The following LYPLA1 variants were observed in gnomAD, a reference collection of about 807,000 sequenced individuals.
The protein encoded by LYPLA1 is lysophospholipase 1.
In LYPLA1, 17 loss-of-function variants were observed where a neutral mutation model predicts 34.0. That is an observed-to-expected ratio of 0.50 (90% CI 0.34 to 0.75). LYPLA1 has a LOEUF of 0.75. LYPLA1 is among the 30% of genes least tolerant of loss of function. LYPLA1 has a pLI of 0.01. For synonymous variants in LYPLA1, 98 were observed against 100.8 expected (o/e 0.97, Z 0.17); for missense variants, 203 against 288.8 (o/e 0.70, Z 2.15).
chr8:54,049,174 C>T lies in LYPLA1; in HGVS notation c.640-1056G>A, dbSNP rs117377656. Among the ~76,000 whole-genome samples, 671 of 152,316 alleles carry T rather than the reference C, an allele frequency of 4.4e-3. 10 individuals carry two copies. Among genetic ancestry groups the T allele is most frequent in the Admixed American group, 0.029 (446 of 15,300 alleles). On this transcript the variant is annotated intron_variant, in intron 8 of 8. Coordinates refer to ENST00000316963, the MANE Select transcript of LYPLA1 (RefSeq NM_006330.4). ...ATCATATTACCACCTCTTTCTCCGT[C>T]CCTAAATTATTTAACCCAGGCTGAG...
intron 2 of LYPLA1, among the ~76,000 whole-genome samples, chr8:54,067,628 C>G (rs1466100043): frequency 6.6e-6 from 1 of 151,696 alleles, no homozygotes; most frequent in East Asian, 1.9e-4. Context: ...CATATTATCT[C>G]TACTAAAGAA....
At chr8:54,060,175 G>C (rs1221911217) in intron 5 of LYPLA1, among the ~76,000 whole-genome samples, 2 of 151,954 alleles carry the variant, frequency 1.3e-5, no homozygotes, top group Admixed American at 1.3e-4. Flanking sequence ...GCCCAGGCTG[G>C]AGTGCAACAG....
intron 1 of LYPLA1, chr8:54,101,549 G>C (rs1272140524): frequency 2.6e-6 from 3 of 1,147,312 alleles, no homozygotes; most frequent in Non-Finnish European, 3.2e-6. Flanking sequence ...GAGGAGCTGG[G>C]GACTGGCCCT....
intron 5 of LYPLA1, among the ~76,000 whole-genome samples, chr8:54,061,347 C>G (rs2129331871): frequency 6.6e-6 from 1 of 152,314 alleles, no homozygotes; most frequent in East Asian, 1.9e-4. Context: ...TCCCAAAGTG[C>G]TGGGATTAAA....
intron 5 of LYPLA1, among the ~76,000 whole-genome samples, chr8:54,055,454 T>C (rs10101967): frequency 0.038 from 5,818 of 151,868 alleles, 373 homozygotes; most frequent in African/African-American, 0.13. Context: ...CACCAAAAAA[T>C]GGAAAAAAGA....
At chr8:54,067,778 C>A (rs1807178435) in intron 2 of LYPLA1, among the ~76,000 whole-genome samples, 1 of 151,138 alleles carries the variant, frequency 6.6e-6, no homozygotes, top group African/African-American at 2.4e-5. Flanking sequence ...TCACTGCAAG[C>A]CCCACCTCCC....
intron 2 of LYPLA1, among the ~76,000 whole-genome samples, chr8:54,068,896 G>A (rs1807267979): frequency 1.3e-5 from 2 of 151,956 alleles, no homozygotes; most frequent in African/African-American, 4.8e-5. Context: ...TTACATAGTG[G>A]GAAAAATGTT....
chr8:54,093,136 C>T (rs1030794501), intron 2 of LYPLA1, among the ~76,000 whole-genome samples: 1 of 152,118 alleles, frequency 6.6e-6, no homozygotes, highest in African/African-American at 2.4e-5. Context: ...GTGGATAACA[C>T]GAGTGTGTCC....
intron 2 of LYPLA1, among the ~76,000 whole-genome samples, chr8:54,091,529 GAAAA>G (rs372241124): frequency 9.1e-6 from 1 of 109,508 alleles, no homozygotes; most frequent in African/African-American, 3.4e-5. Flanking sequence ...AAAAAGAAAA[GAAAA>G]AAGAAAAGAA....
intron 8 of LYPLA1, among the ~76,000 whole-genome samples, chr8:54,050,546 T>C (rs534594635): frequency 6.6e-6 from 1 of 152,360 alleles, no homozygotes; most frequent in Non-Finnish European, 1.5e-5. Flanking sequence ...CCTATAGTTC[T>C]TTCTCTGCAC....
chr8:54,067,577 T>C (rs1214804813), intron 2 of LYPLA1, among the ~76,000 whole-genome samples: 3 of 152,182 alleles, frequency 2.0e-5, no homozygotes, highest in African/African-American at 7.2e-5. Flanking sequence ...ACATATAGTT[T>C]CCTGCTTATT....
chr8:54,059,299 G>GTTTTTTTTT lies in LYPLA1; in HGVS notation c.286+2946_286+2954dup, dbSNP rs573966934. Among the ~76,000 whole-genome samples the GTTTTTTTTT allele has an allele frequency of 2.5e-4, 28 of 112,704 alleles. 6 individuals carry two copies. Among genetic ancestry groups the GTTTTTTTTT allele is most frequent in the African/African-American group, 1.0e-3 (21 of 20,576 alleles). The allele number at this position is 112,704 out of a possible 152,430, so 73.9% of individuals were successfully genotyped here. On this transcript the variant is annotated intron_variant, in intron 5 of 8. Coordinates refer to ENST00000316963, the MANE Select transcript of LYPLA1 (RefSeq NM_006330.4). ...CACATCTTTTGAATGTATTTTCCCT[G>GTTTTTTTTT]TTTTTTTTTTTTTTTTGAGACGGAG... is the stretch of plus-strand genomic sequence containing the variant.
At chr8:54,072,333 T>C (rs1222974285) in intron 2 of LYPLA1, among the ~76,000 whole-genome samples, 2 of 152,028 alleles carry the variant, frequency 1.3e-5, no homozygotes, top group African/African-American at 4.8e-5. Context: ...TTGTCTAAGA[T>C]TTCATGGTGA....
intron 2 of LYPLA1, among the ~76,000 whole-genome samples, chr8:54,072,894 T>A (rs1807591860): frequency 6.7e-6 from 1 of 148,236 alleles, no homozygotes; most frequent in Non-Finnish European, 1.5e-5. Flanking sequence ...GCAGGAGAAT[T>A]GCTTGAACAC....
rs758564319 is a variant in LYPLA1 at position 54,071,212 on chromosome 8, C to CA, written c.102-5400dup. 7.5e-5 allele frequency among the ~76,000 whole-genome samples: 11 copies of CA among 146,278 alleles called. 1 individual carries two copies. Among genetic ancestry groups the CA allele is most frequent in the Non-Finnish European group, 1.5e-4 (10 of 67,296 alleles). On this transcript the variant is annotated intron_variant, in intron 2 of 8. Transcript: ENST00000316963. ...GTTTCAGACTCAAGACATGACAGCTCAAATGAACACATACTCCTGGAAAGG... is the reference window on the plus strand; with the variant it reads ...GTTTCAGACTCAAGACATGACAGCTCAAAATGAACACATACTCCTGGAAAGG...
chr8:54,082,302 T>C (rs1451833794), intron 2 of LYPLA1, among the ~76,000 whole-genome samples: 1 of 152,146 alleles, frequency 6.6e-6, no homozygotes, highest in Non-Finnish European at 1.5e-5. Context: ...CACACGCACA[T>C]ACATACGCAC....
intron 2 of LYPLA1, among the ~76,000 whole-genome samples, chr8:54,087,697 G>A (rs367804250): frequency 5.9e-5 from 9 of 152,044 alleles, no homozygotes; most frequent in South Asian, 4.1e-4. Context: ...TTTTTAAAAC[G>A]GCAAAGGATC....
chr8:54,092,176 C>T (rs956614246), intron 2 of LYPLA1, among the ~76,000 whole-genome samples: 6 of 144,738 alleles, frequency 4.1e-5, no homozygotes, highest in Non-Finnish European at 9.0e-5. Context: ...AGAACCCTGT[C>T]GAAGTCAGGG....
chr8:54,052,764 G>A lies in LYPLA1; in HGVS notation c.361-8C>T, dbSNP rs778309881. ...TAAAGATAAAGCTCCTCCCTGAAAA[G>A]ACAAGCAGGGAAAGTCAATGGAACA... On this transcript the variant is annotated splice_polypyrimidine_tract_variant and splice_region_variant and intron_variant, in intron 6 of 8. Transcript: ENST00000316963. The A allele has an allele frequency of 4.5e-6, 7 of 1,568,046 alleles. No individual in the cohort carries two copies. Among genetic ancestry groups the A allele is most frequent in the African/African-American group, 1.4e-5 (1 of 74,030 alleles).
Sources: allele counts gnomAD v4.1 joint callset (sites outside exome capture counted in the v4.1 genomes callset), GRCh38; gene constraint gnomAD v4.1.1; transcripts MANE v1.5; gene names NCBI Gene and HGNC (gene_info 2026-07-23, HGNC 2026-07-21).